CACNG5: variants seen among roughly 807,000 people sequenced by gnomAD.
CACNG5 encodes voltage-dependent calcium channel gamma-5 subunit.
Under a neutral mutation model 24.8 loss-of-function variants are expected in CACNG5, and 18 were observed. That is an observed-to-expected ratio of 0.73 (90% confidence interval 0.50 to 1.08). The LOEUF (loss-of-function observed/expected upper bound fraction) is 1.08. CACNG5 is among the 50% of genes least tolerant of loss of function. CACNG5 has a pLI of 0.00. For missense variants in CACNG5, 349 were observed against 367.9 expected (o/e 0.95, Z 0.42); for synonymous variants, 157 against 149.1 (o/e 1.05, Z -0.39).
chr17:66,835,747 C>T (rs1976474764), intron 1 of CACNG5, among the ~76,000 whole-genome samples: 1 of 152,064 alleles, frequency 6.6e-6, no homozygotes, highest in African/African-American at 2.4e-5. Context: ...CTTCCTTCTC[C>T]CGCCTGTGAG....
Position 66,862,892 on chromosome 17 carries a change from C to CTCTGTGTG in CACNG5, c.-103-14337_-103-14336insCTGTGTGT, listed in dbSNP as rs567913804. Among the ~76,000 whole-genome samples, 173 of 142,258 alleles carry CTCTGTGTG rather than the reference C, an allele frequency of 1.2e-3. 2 individuals carry two copies. The highest frequency in any genetic ancestry group is 3.7e-3 in the Middle Eastern group (1 of 272). The allele number at this position is 142,258 out of a possible 152,430, so 93.3% of individuals were successfully genotyped here. ...ACAACCTTGTCTGCCAGCATATTCT[C>CTCTGTGTG]TGTGTGTGTGTGTGTGTGTGTGTGT... On this transcript the variant is annotated intron_variant, in intron 1 of 5. Transcript: ENST00000533854.
intron 1 of CACNG5, among the ~76,000 whole-genome samples, chr17:66,842,778 T>C (rs1470485114): frequency 6.6e-6 from 1 of 152,156 alleles, no homozygotes; most frequent in Non-Finnish European, 1.5e-5. Flanking sequence ...AAGCGTCTGA[T>C]GGGGCTGGCT....
rs1316870798 is a variant in CACNG5, at chr17:66,887,847, G to T, written c.*2607G>T. ...GGTTCTCGGTCATTACCTGTTTGGG[G>T]GTGGGTGCATGTGTCAATAATCACA... On this transcript the variant is annotated 3_prime_UTR_variant, in exon 6 of 6. Coordinates refer to ENST00000533854, the MANE Select transcript of CACNG5 (RefSeq NM_145811.3). 1.3e-5 allele frequency among the ~76,000 whole-genome samples: 2 copies of T among 152,194 alleles called. No homozygotes were observed. Among genetic ancestry groups the T allele is most frequent in the East Asian group, 3.9e-4 (2 of 5,170 alleles).
chr17:66,844,665 A>T (rs1976612008), intron 1 of CACNG5, among the ~76,000 whole-genome samples: 1 of 149,794 alleles, frequency 6.7e-6, no homozygotes, highest in South Asian at 2.1e-4. Context: ...CCCCACAGCC[A>T]TTGTGTGCAA....
chr17:66,860,139 C>A (rs1976833713), intron 1 of CACNG5, among the ~76,000 whole-genome samples: 1 of 152,050 alleles, frequency 6.6e-6, no homozygotes, highest in African/African-American at 2.4e-5. Context: ...CCTATGCAAC[C>A]CCACGAGAAC....
intron 1 of CACNG5, among the ~76,000 whole-genome samples, chr17:66,850,007 C>G (rs951111266): frequency 1.3e-5 from 2 of 152,186 alleles, no homozygotes; most frequent in African/African-American, 4.8e-5. Context: ...GGAGGTGGGT[C>G]CCGGTACAAC....
chr17:66,856,891 C>G (rs1441455584), intron 1 of CACNG5, among the ~76,000 whole-genome samples: 1 of 152,046 alleles, frequency 6.6e-6, no homozygotes, highest in Non-Finnish European at 1.5e-5. Flanking sequence ...TCTCCCCTCT[C>G]TGTCCCTGAC....
intron 1 of CACNG5, among the ~76,000 whole-genome samples, chr17:66,843,770 T>C (rs1976598407): frequency 6.6e-6 from 1 of 152,068 alleles, no homozygotes; most frequent in Non-Finnish European, 1.5e-5. Flanking sequence ...GTGCTGCTCC[T>C]ATCTGGAAAG....
Position 66,887,533 on chromosome 17 carries a change from A to G in CACNG5, c.*2293A>G, listed in dbSNP as rs1363790268. Among the ~76,000 whole-genome samples, 7 of 152,220 alleles carry G rather than the reference A, an allele frequency of 4.6e-5. No individual in the cohort carries two copies. Among genetic ancestry groups the G allele is most frequent in the African/African-American group, 1.7e-4 (7 of 41,454 alleles). The stretch of plus-strand genomic sequence containing the variant: ...TAAAGGAATCAGTTTTTGTGCTTGG[A>G]GACAGATAGCGTTTCCAAACTGGAC... On this transcript the variant is annotated 3_prime_UTR_variant, in exon 6 of 6. Coordinates refer to ENST00000533854, the MANE Select transcript of CACNG5 (RefSeq NM_145811.3).
chr17:66,869,179 G>A lies in CACNG5; in HGVS notation c.-103-8051G>A, dbSNP rs537038027. Reference sequence around the variant, plus strand: ...GCTCACTGCAACCTCCGCCTCCCAGGTTCTAGTGATTCTTGTGCCTCAGCC... The same window carrying A: ...GCTCACTGCAACCTCCGCCTCCCAGATTCTAGTGATTCTTGTGCCTCAGCC... On this transcript the variant is annotated intron_variant, in intron 1 of 5. Coordinates refer to ENST00000533854, the MANE Select transcript of CACNG5 (RefSeq NM_145811.3). Among the ~76,000 whole-genome samples the A allele has an allele frequency of 2.6e-5, 4 of 152,178 alleles. 1 individual carries two copies. The South Asian group carries it at 8.3e-4, about 32-fold the overall frequency.
intron 1 of CACNG5, among the ~76,000 whole-genome samples, chr17:66,847,496 C>G (rs1259577251): frequency 6.6e-6 from 1 of 152,004 alleles, no homozygotes; most frequent in Admixed American, 6.6e-5. Flanking sequence ...TTTATAAAAC[C>G]ATCAGATCTC....
At chr17:66,864,014 G>C (rs554484260) in intron 1 of CACNG5, among the ~76,000 whole-genome samples, 1 of 152,288 alleles carries the variant, frequency 6.6e-6, no homozygotes, top group South Asian at 2.1e-4. Flanking sequence ...TTGATTGAAT[G>C]CTAGACATCT....
intron 4 of CACNG5, among the ~76,000 whole-genome samples, chr17:66,883,854 C>A (rs1009705489): frequency 2.6e-5 from 4 of 152,194 alleles, no homozygotes; most frequent in African/African-American, 9.7e-5. Flanking sequence ...AAATGCAGTG[C>A]CAGGCGCAGT....
rs1977230082 is a variant in CACNG5, at chr17:66,884,905, G to A, written c.571-78G>A. The A allele has an allele frequency of 2.5e-6, 4 of 1,613,704 alleles. No homozygotes were observed. The Admixed American group carries it at 6.7e-5, about 27-fold the overall frequency. ...CCACTTCCCACCCCACTCGAGCTGT[G>A]TCCTGTGCAGACCCCAGCCAAGGGA... On this transcript the variant is annotated intron_variant, in intron 5 of 5. Transcript: ENST00000533854.
rs1259308912 is a variant in CACNG5, at chr17:66,887,243, T to C, written c.*2003T>C. 6.6e-6 allele frequency among the ~76,000 whole-genome samples: 1 copy of C among 152,162 alleles called. No homozygotes were observed. Among genetic ancestry groups the C allele is most frequent in the Non-Finnish European group, 1.5e-5 (1 of 68,024 alleles). Reference sequence around the variant, plus strand: ...TCAGCCACTCATTCACCACGAATCCTTGGGCAACACCCTTCCACTCTGAGG... The same window carrying C: ...TCAGCCACTCATTCACCACGAATCCCTGGGCAACACCCTTCCACTCTGAGG... On this transcript the variant is annotated 3_prime_UTR_variant, in exon 6 of 6. Coordinates refer to ENST00000533854, the MANE Select transcript of CACNG5 (RefSeq NM_145811.3).
At chr17:66,868,426 G>T (rs1976958631) in intron 1 of CACNG5, among the ~76,000 whole-genome samples, 1 of 152,162 alleles carries the variant, frequency 6.6e-6, no homozygotes, top group African/African-American at 2.4e-5. Flanking sequence ...CATAATCCTG[G>T]GGTTTTGTTT....
chr17:66,879,892 C>T (rs1317072670), intron 3 of CACNG5, among the ~76,000 whole-genome samples: 1 of 152,140 alleles, frequency 6.6e-6, no homozygotes, highest in Non-Finnish European at 1.5e-5. Context: ...AGGCTGATAT[C>T]ACCTGGCTCA....
intron 1 of CACNG5, among the ~76,000 whole-genome samples, chr17:66,851,698 G>A (rs562396133): frequency 1.3e-5 from 2 of 151,788 alleles, no homozygotes; most frequent in South Asian, 4.2e-4. Context: ...TACCGGAAAG[G>A]GAAAAAGAGA....
chr17:66,868,370 G>A (rs1156965865), intron 1 of CACNG5, among the ~76,000 whole-genome samples: 1 of 152,188 alleles, frequency 6.6e-6, no homozygotes, highest in Non-Finnish European at 1.5e-5. Context: ...GCTAGCTGTG[G>A]CTTTGCTTTT....
Sources: gnomAD v4.1 joint callset for allele counts (sites outside exome capture counted in the v4.1 genomes callset) on GRCh38, gnomAD v4.1.1 for gene constraint, MANE v1.5 for transcripts, NCBI Gene and HGNC (gene_info 2026-07-23, HGNC 2026-07-21) for gene names.